Variants in CREBRF observed in about 807,000 individuals in gnomAD.
The protein encoded by CREBRF is CREB3 regulatory factor.
Under a neutral mutation model 66.1 loss-of-function variants are expected in CREBRF, and 5 were observed. The observed-to-expected ratio is 0.08, with a 90% CI of 0.04 to 0.16. The LOEUF is 0.16. CREBRF is among the 10% of genes least tolerant of loss of function. CREBRF has a pLI of 1.00. For missense variants in CREBRF, 531 were observed against 744.9 expected, an observed-to-expected ratio of 0.71 and a Z score of 3.34; for synonymous variants, 229 against 264.4, an observed-to-expected ratio of 0.87 and a Z score of 1.30.
At chr5:173,130,798 C>T (rs1358881121) in intron 8 of CREBRF, among the ~76,000 whole-genome samples, 6 of 152,152 alleles carry the variant, frequency 3.9e-5, no homozygotes, top group Non-Finnish European at 8.8e-5. Flanking sequence ...CAACCTCTGC[C>T]TAGCAGATTT....
At chr5:173,070,274 G>T (rs1757558870) in intron 1 of CREBRF, among the ~76,000 whole-genome samples, 1 of 152,062 alleles carries the variant, frequency 6.6e-6, no homozygotes, top group Admixed American at 6.5e-5. Context: ...AGAATGTGTG[G>T]TGTCACTGGA....
chr5:173,094,707 T>C (rs984481363), intron 4 of CREBRF, among the ~76,000 whole-genome samples: 3 of 152,222 alleles, frequency 2.0e-5, no homozygotes, highest in Non-Finnish European at 1.5e-5. Context: ...GGTTTGCAGA[T>C]ATTTTTCTTT....
intron 7 of CREBRF, among the ~76,000 whole-genome samples, chr5:173,115,479 TA>T (rs770921483): frequency 6.6e-6 from 1 of 152,236 alleles, no homozygotes; most frequent in Non-Finnish European, 1.5e-5. Flanking sequence ...TTGTTTTCCC[TA>T]AGTCTAGCCT....
chr5:173,092,358 G>A (rs1177210302), intron 4 of CREBRF: 21 of 984,956 alleles, frequency 2.1e-5, no homozygotes, highest in Middle Eastern at 5.2e-4. Context: ...TATATACAGC[G>A]CATATAAATA....
chr5:173,093,574 T>C (rs1758403378), intron 4 of CREBRF, among the ~76,000 whole-genome samples: 1 of 152,202 alleles, frequency 6.6e-6, no homozygotes, highest in Admixed American at 6.5e-5. Context: ...TGGAGTGCGG[T>C]GGCACAATCT....
chr5:173,083,646 C>T (rs1758038785), intron 2 of CREBRF, among the ~76,000 whole-genome samples: 1 of 152,098 alleles, frequency 6.6e-6, no homozygotes, highest in Non-Finnish European at 1.5e-5. Flanking sequence ...GACTCAGCAG[C>T]ACAGAGTGAG....
chr5:173,126,549 G>A (rs1759279377), intron 8 of CREBRF, among the ~76,000 whole-genome samples: 1 of 152,120 alleles, frequency 6.6e-6, no homozygotes, highest in Non-Finnish European at 1.5e-5. Context: ...TCTGACTGTG[G>A]GCTCCTTGTA....
chr5:173,077,088 C>T (rs545146362), intron 1 of CREBRF, among the ~76,000 whole-genome samples: 7 of 151,434 alleles, frequency 4.6e-5, no homozygotes, highest in East Asian at 4.0e-4. Flanking sequence ...GGATTACAGG[C>T]GCCCGCCACC....
In CREBRF at chr5:173,123,066, G is replaced by C; in HGVS notation, c.1682-14G>C. 6.4e-7 allele frequency: 1 copy of C among 1,571,602 alleles called. No individual in the cohort carries two copies. Among genetic ancestry groups the C allele is most frequent in the Non-Finnish European group, 8.6e-7 (1 of 1,167,144 alleles). ...GGTAGTGACATATTCCAAGTGTTTTGTTCTGTCTTACAGATAATTTATTGT... is the reference window on the plus strand; with the variant it reads ...GGTAGTGACATATTCCAAGTGTTTTCTTCTGTCTTACAGATAATTTATTGT... On this transcript the variant is annotated splice_polypyrimidine_tract_variant and intron_variant, in intron 7 of 8. Coordinates refer to ENST00000296953, the MANE Select transcript of CREBRF (RefSeq NM_153607.3).
intron 2 of CREBRF, chr5:173,085,510 A>AGGCT (rs1554124100): frequency 1.8e-6 from 1 of 545,722 alleles, no homozygotes; most frequent in Non-Finnish European, 3.3e-6. Flanking sequence ...TTCGCCTCCC[A>AGGCT]GGTTCAAGCG....
At position 173,059,256 on chromosome 5, in the gene CREBRF, C is replaced by CTTTTT. The variant is rs780723745; in HGVS notation, c.-192+2781_-192+2785dup. Among the ~76,000 whole-genome samples the CTTTTT allele has an allele frequency of 4.8e-3, 560 of 117,418 alleles. 26 individuals carry two copies. The highest frequency in any genetic ancestry group is 7.7e-3 in the African/African-American group (241 of 31,218). The allele number at this position is 117,418 out of a possible 152,430, so 77.0% of individuals were successfully genotyped here. A position where few individuals can be genotyped will look rare whatever the true frequency, so the allele number is the denominator to read the frequency against. On this transcript the variant is annotated intron_variant, in intron 1 of 8. Coordinates refer to ENST00000296953, the MANE Select transcript of CREBRF (RefSeq NM_153607.3). ...AGCTTATTTATCAGTTCTTCTTTTT[C>CTTTTT]TTTTTTTTCTTTTTTTTTTTTTTTT... is the stretch of plus-strand genomic sequence containing the variant.
chr5:173,102,638 G>A (rs1006356947), intron 4 of CREBRF, among the ~76,000 whole-genome samples: 2 of 152,064 alleles, frequency 1.3e-5, no homozygotes, highest in Non-Finnish European at 2.9e-5. Context: ...CTGAATCCAC[G>A]AGAACTTACC....
intron 3 of CREBRF, among the ~76,000 whole-genome samples, chr5:173,088,887 A>T (rs1758243871): frequency 6.6e-6 from 1 of 152,120 alleles, no homozygotes; most frequent in South Asian, 2.1e-4. Flanking sequence ...CTGTTAAAAC[A>T]TACACAGACA....
chr5:173,110,461 A>G (rs778619562), intron 5 of CREBRF, 61 bp from the exon 6 acceptor site: 2 of 1,256,110 alleles, frequency 1.6e-6, no homozygotes, highest in South Asian at 1.2e-5. Context: ...TGTGGCCGTG[A>G]AAAACGTGTC....
At chr5:173,086,807 C>T (rs556105371) in intron 3 of CREBRF, among the ~76,000 whole-genome samples, 181 bp downstream of exon 3, 4 of 152,092 alleles carry the variant, frequency 2.6e-5, no homozygotes, top group Non-Finnish European at 5.9e-5. Flanking sequence ...GACGGAGTCT[C>T]ACTCTGTTTC....
At chr5:173,064,065 G>GT (rs1428558104) in intron 1 of CREBRF, among the ~76,000 whole-genome samples, 5 of 151,166 alleles carry the variant, frequency 3.3e-5, no homozygotes, top group Admixed American at 6.6e-5. Context: ...AAAGCTTGCT[G>GT]TTTTTTTTGT....
chr5:173,103,090 C>T (rs1030822760), intron 4 of CREBRF, among the ~76,000 whole-genome samples: 1 of 152,150 alleles, frequency 6.6e-6, no homozygotes, highest in African/African-American at 2.4e-5. Flanking sequence ...TCCCTTGACC[C>T]TTGTAGGAGA....
chr5:173,086,536 T>A lies in CREBRF; in HGVS notation c.45T>A (p.Asp15Glu), dbSNP rs772772961. 280 of 1,614,152 alleles carry A rather than the reference T, an allele frequency of 1.7e-4. 4 individuals are homozygous for A. The South Asian group carries it at 3.0e-3, about 17-fold the overall frequency. The change falls in exon 3 of 9, where the codon GAT (aspartate) becomes GAA (glutamate). Residue 15 changes from aspartate (D) to glutamate (E), a missense_variant. Coordinates refer to ENST00000296953, the MANE Select transcript of CREBRF (RefSeq NM_153607.3). Reference protein sequence around the residue: ...SVSGMDPPFGDAFRSHTFSEQ... With the variant: ...SVSGMDPPFGEAFRSHTFSEQ... ...GCGGAATGGATCCGCCTTTCGGGGA[T>A]GCCTTTCGAAGCCACACCTTTTCGG...
At chr5:173,095,849 T>A (rs1758464727) in intron 4 of CREBRF, among the ~76,000 whole-genome samples, 1 of 152,078 alleles carries the variant, frequency 6.6e-6, no homozygotes, top group Non-Finnish European at 1.5e-5. Flanking sequence ...TAAATGGGAT[T>A]TTTTTCTAAT....
Sources: gnomAD v4.1 joint callset for allele counts (sites outside exome capture counted in the v4.1 genomes callset) on GRCh38, gnomAD v4.1.1 for gene constraint, MANE v1.5 for transcripts, NCBI Gene and HGNC (gene_info 2026-07-23, HGNC 2026-07-21) for gene names.